COX10: variants seen among roughly 807,000 people sequenced by gnomAD.
The protein encoded by COX10 is protoheme IX farnesyltransferase, mitochondrial.
A neutral mutation model predicts 37.3 loss-of-function variants in COX10; 27 were observed. The ratio of observed to expected loss-of-function variants is 0.72; its 90% CI spans 0.53 to 1.00. The LOEUF (loss-of-function observed/expected upper bound fraction) is 1.00, where lower values mean the gene tolerates loss of function less well. COX10 is among the 50% of genes least tolerant of loss of function. COX10 has a pLI of 0.00. For missense variants in COX10, 475 were observed against 563.2 expected, an observed-to-expected ratio of 0.84 and a Z score of 1.59; for synonymous variants, 222 against 229.1, an observed-to-expected ratio of 0.97 and a Z score of 0.28.
At chr17:14,141,999 T>C (rs2142226510) in intron 4 of COX10, among the ~76,000 whole-genome samples, 1 of 152,276 alleles carries the variant, frequency 6.6e-6, no homozygotes, top group South Asian at 2.1e-4. Context: ...TCTTGAAGTG[T>C]TGTTCAAAAT....
In COX10 at chr17:14,077,368, G is replaced by GAT. The variant is rs1341629304; in HGVS notation, c.499+314_499+315dup. 6 of 346,080 alleles carry GAT rather than the reference G, an allele frequency of 1.7e-5. No homozygotes were observed. In the East Asian group the frequency reaches 4.4e-4, roughly 25 times the overall value. The allele number at this position is 346,080 out of a possible 1,614,324, so 21.4% of individuals were successfully genotyped here. A position where few individuals can be genotyped will look rare whatever the true frequency, so the allele number is the denominator to read the frequency against. On this transcript the variant is annotated intron_variant, in intron 3 of 6. Coordinates refer to ENST00000261643, the MANE Select transcript of COX10 (RefSeq NM_001303.4). ...TTACACCTGCTGTAAAAATGCATAA[G>GAT]ATAATAGGTTTTGTCAACTTGAGTT...
intron 6 of COX10, among the ~76,000 whole-genome samples, chr17:14,205,760 A>G (rs781369207): frequency 7.9e-5 from 12 of 151,984 alleles, no homozygotes; most frequent in Admixed American, 2.6e-4. Flanking sequence ...AGAACTTGGC[A>G]TTGCCTAATT....
At chr17:14,181,541 T>A (rs1179012866) in intron 5 of COX10, among the ~76,000 whole-genome samples, 1 of 151,918 alleles carries the variant, frequency 6.6e-6, no homozygotes, top group Non-Finnish European at 1.5e-5. Context: ...GTGTTTTATT[T>A]AAGCTTTTCA....
At chr17:14,180,363 A>G (rs1043220129) in intron 5 of COX10, among the ~76,000 whole-genome samples, 1 of 152,194 alleles carries the variant, frequency 6.6e-6, no homozygotes, top group Non-Finnish European at 1.5e-5. Flanking sequence ...AATGTAGAGA[A>G]CTTGTTCTTA....
intron 4 of COX10, among the ~76,000 whole-genome samples, chr17:14,108,283 A>T (rs938981711): frequency 1.3e-5 from 2 of 152,298 alleles, no homozygotes; most frequent in Middle Eastern, 3.4e-3. Flanking sequence ...TAAGCATTGT[A>T]CATACATTAG....
intron 1 of COX10, 135 bp downstream of exon 1, chr17:14,069,783 A>T: frequency 1.9e-6 from 2 of 1,043,356 alleles, no homozygotes; most frequent in South Asian, 2.7e-5. Flanking sequence ...GGTGGGGGAA[A>T]TGACCTCTGG....
rs780101829 is a variant in COX10, at chr17:14,076,845, A to G, written c.288A>G (p.Ile96Met). Reference sequence around the variant, plus strand: ...CTTCAGGTCAAGCCAAAGCAGAAATATATGAGATGAGACCTCTCTCACCGC... The same window carrying G: ...CTTCAGGTCAAGCCAAAGCAGAAATGTATGAGATGAGACCTCTCTCACCGC... ...KTSSGQAKAE[I>M]YEMRPLSPPS... Residue 96 changes from isoleucine (I) to methionine (M), a missense_variant, in exon 3 of 7, where the codon ATA (isoleucine) becomes ATG (methionine). Ile to Met is a conservative substitution (Grantham distance 10, BLOSUM62 1). Around this residue, in one of 5 missense-constraint regions of COX10, gnomAD observed 242 missense variants for 242.5 expected, o/e 1.00. Coordinates refer to ENST00000261643, the MANE Select transcript of COX10 (RefSeq NM_001303.4). The G allele has an allele frequency of 1.9e-6, 3 of 1,614,088 alleles. No individual in the cohort carries two copies. The highest frequency in any genetic ancestry group is 2.7e-5 in the African/African-American group (2 of 74,930).
chr17:14,090,971 GTAGCGAAC>G lies in COX10; in HGVS notation c.500-11142_500-11135del, dbSNP rs1271214668. On this transcript the variant is annotated intron_variant, in intron 3 of 6. Coordinates refer to ENST00000261643, the MANE Select transcript of COX10 (RefSeq NM_001303.4). ...TAGTAGCTCAATGGAGAAAAGAAGTGTAGCGAACTAGCTTGCCACCATTTGTAGAATTT... is the reference window on the plus strand; with the variant it reads ...TAGTAGCTCAATGGAGAAAAGAAGTGTAGCTTGCCACCATTTGTAGAATTT... Among the ~76,000 whole-genome samples the G allele has an allele frequency of 1.2e-4, 18 of 152,314 alleles. No individual in the cohort carries two copies. The South Asian group carries it at 3.7e-3, about 32-fold the overall frequency.
At chr17:14,186,973 T>G (rs183178166) in intron 5 of COX10, among the ~76,000 whole-genome samples, 2 of 121,080 alleles carry the variant, frequency 1.7e-5, no homozygotes, top group African/African-American at 2.9e-5. Context: ...AGTAAACTTG[T>G]CTTATTTTAA....
chr17:14,115,535 T>TA (rs1916091544), intron 4 of COX10, among the ~76,000 whole-genome samples: 1 of 152,148 alleles, frequency 6.6e-6, no homozygotes. Context: ...ACTGGGTATC[T>TA]ACCCAAAGGA....
chr17:14,087,763 G>A (rs529461187), intron 3 of COX10, among the ~76,000 whole-genome samples: 8 of 150,336 alleles, frequency 5.3e-5, no homozygotes, highest in Admixed American at 1.3e-4. Context: ...TTTTAGTGTC[G>A]TCTGCTTCTC....
intron 4 of COX10, among the ~76,000 whole-genome samples, chr17:14,111,484 A>G (rs1567593708): frequency 6.6e-6 from 1 of 152,162 alleles, no homozygotes; most frequent in Non-Finnish European, 1.5e-5. Context: ...TTTAAAATAT[A>G]CTGTGTAACC....
At chr17:14,134,332 A>G (rs553057533) in intron 4 of COX10, among the ~76,000 whole-genome samples, 10 of 152,004 alleles carry the variant, frequency 6.6e-5, no homozygotes, top group African/African-American at 1.9e-4. Context: ...TAAAAAATAC[A>G]AAGTTATCTT....
At chr17:14,080,440 C>G (rs1025343506) in intron 3 of COX10, among the ~76,000 whole-genome samples, 7 of 152,036 alleles carry the variant, frequency 4.6e-5, no homozygotes, top group African/African-American at 1.7e-4. Context: ...GTCTCAATCT[C>G]CTGACCTCGT....
At chr17:14,191,826 A>G (rs1906209969) in intron 5 of COX10, among the ~76,000 whole-genome samples, 163 bp from the exon 6 acceptor site, 1 of 152,168 alleles carries the variant, frequency 6.6e-6, no homozygotes, top group East Asian at 1.9e-4. Flanking sequence ...TTCTTATTAT[A>G]AGTTTGTTTC....
intron 4 of COX10, among the ~76,000 whole-genome samples, chr17:14,156,285 G>A (rs1211938013): frequency 6.6e-6 from 1 of 152,096 alleles, no homozygotes; most frequent in Non-Finnish European, 1.5e-5. Flanking sequence ...GAGTGCAGTG[G>A]CACAATCTCA....
At chr17:14,140,538 A>G (rs565074291) in intron 4 of COX10, among the ~76,000 whole-genome samples, 43 of 152,188 alleles carry the variant, frequency 2.8e-4, no homozygotes, top group East Asian at 2.1e-3. Flanking sequence ...GGAATTTATT[A>G]GAGATAAACT....
At chr17:14,187,520 G>C (rs1906069813) in intron 5 of COX10, among the ~76,000 whole-genome samples, 1 of 152,056 alleles carries the variant, frequency 6.6e-6, no homozygotes, top group African/African-American at 2.4e-5. Context: ...TTTTTTTTAA[G>C]TAGTTATATC....
intron 3 of COX10, among the ~76,000 whole-genome samples, chr17:14,096,449 ACTGCAG>A (rs1230204808): frequency 3.8e-5 from 5 of 133,266 alleles, no homozygotes; most frequent in African/African-American, 1.5e-4. Context: ...ATCATAGCTC[ACTGCAG>A]CCTTGAACTC....
Sources: allele counts gnomAD v4.1 joint callset (sites outside exome capture counted in the v4.1 genomes callset), GRCh38; gene constraint gnomAD v4.1.1; regional missense constraint gnomAD v4.1.1; transcripts MANE v1.5; gene names NCBI Gene and HGNC (gene_info 2026-07-23, HGNC 2026-07-21).